MAGI2: variants seen among roughly 807,000 people sequenced by gnomAD.
MAGI2 encodes the protein membrane associated guanylate kinase, WW and PDZ domain containing 2, also known as membrane-associated guanylate kinase, WW and PDZ domain-containing protein 2.
Under a neutral mutation model 133.3 loss-of-function variants are expected in MAGI2, and 35 were observed. The observed-to-expected ratio is 0.26, with a 90% CI of 0.20 to 0.35. The LOEUF (loss-of-function observed/expected upper bound fraction) is 0.35. MAGI2 is among the 10% of genes least tolerant of loss of function. The pLI is 1.00. For missense variants in MAGI2, 1,636 were observed against 1,863.4 expected (o/e 0.88, Z 2.25); for synonymous variants, 729 against 710.6 (o/e 1.03, Z -0.41).
chr7:79,184,891 C>T (rs1163505079), intron 1 of MAGI2, among the ~76,000 whole-genome samples: 2 of 149,102 alleles, frequency 1.3e-5, no homozygotes, highest in Admixed American at 1.3e-4. Flanking sequence ...TCATAACCTC[C>T]TTTCCTCACA....
At chr7:79,183,294 C>A (rs928397591) in intron 1 of MAGI2, among the ~76,000 whole-genome samples, 1 of 151,168 alleles carries the variant, frequency 6.6e-6, no homozygotes, top group East Asian at 1.9e-4. Context: ...ATGTATGCAA[C>A]GAAATTTCTC....
chr7:78,945,501 G>T (rs1187938611), intron 2 of MAGI2, among the ~76,000 whole-genome samples: 1 of 152,106 alleles, frequency 6.6e-6, no homozygotes, highest in Non-Finnish European at 1.5e-5. Flanking sequence ...AATTCTTGTG[G>T]TAAGAACAAA....
At chr7:79,393,266 T>C (rs114274424) in intron 1 of MAGI2, among the ~76,000 whole-genome samples, 2,035 of 152,192 alleles carry the variant, frequency 0.013, 40 homozygotes, top group African/African-American at 0.047. Context: ...GAACTCTACA[T>C]CAGAGAGACT....
intron 1 of MAGI2, among the ~76,000 whole-genome samples, chr7:79,191,545 G>C (rs1188862599): frequency 6.7e-6 from 1 of 148,900 alleles, no homozygotes; most frequent in Non-Finnish European, 1.5e-5. Flanking sequence ...AGCCTCCCAA[G>C]TAGTTGGAAC....
chr7:78,373,148 C>T (rs899500952), intron 6 of MAGI2, among the ~76,000 whole-genome samples: 3 of 152,076 alleles, frequency 2.0e-5, no homozygotes, highest in Non-Finnish European at 4.4e-5. Flanking sequence ...TCATGAGAAA[C>T]ATATGACAAA....
At chr7:79,360,083 C>G (rs1160762830) in intron 1 of MAGI2, among the ~76,000 whole-genome samples, 1 of 152,142 alleles carries the variant, frequency 6.6e-6, no homozygotes, top group Non-Finnish European at 1.5e-5. Context: ...CAGCCAACAA[C>G]TGCTCAAGAA....
intron 21 of MAGI2, among the ~76,000 whole-genome samples, chr7:78,076,642 C>G (rs1348731338): frequency 3.3e-4 from 49 of 149,346 alleles, no homozygotes; most frequent in African/African-American, 1.0e-3. Flanking sequence ...GTCAGGAGAT[C>G]GAGACCATCC....
Position 78,346,038 on chromosome 7 carries a change from A to C in MAGI2, c.1109T>G (p.Ile370Arg). Residue 370 changes from isoleucine (I) to arginine (R), a missense_variant, in exon 8 of 22, where the codon ATA (isoleucine) becomes AGA (arginine). Ile to Arg is a moderately conservative substitution (Grantham distance 97, BLOSUM62 -3). Coordinates refer to ENST00000354212, the MANE Select transcript of MAGI2 (RefSeq NM_012301.4). ...ATTTTCAAACTGTGTTCTTCTATTT[A>C]TGTGGCTAAAAAAGAAAATTTCAGA... ...PIYGTYYVDH[I>R]NRRTQFENPV... 1.2e-6 allele frequency: 2 copies of C among 1,613,872 alleles called. No homozygotes were observed. Among genetic ancestry groups the C allele is most frequent in the Non-Finnish European group, 1.7e-6 (2 of 1,179,966 alleles).
Position 79,252,854 on chromosome 7 carries a change from A to G in MAGI2, c.301+200166T>C, listed in dbSNP as rs535843515. 7.9e-5 allele frequency among the ~76,000 whole-genome samples: 12 copies of G among 152,348 alleles called. No homozygotes were observed. In the East Asian group the frequency reaches 2.3e-3, roughly 29 times the overall value. ...GAAGGTTTTCAATCACCAAGTACAAACCAAATAAAAAATATAGTTACAAGC... is the reference window on the plus strand; with the variant it reads ...GAAGGTTTTCAATCACCAAGTACAAGCCAAATAAAAAATATAGTTACAAGC... On this transcript the variant is annotated intron_variant, in intron 1 of 21. Coordinates refer to ENST00000354212, the MANE Select transcript of MAGI2 (RefSeq NM_012301.4).
chr7:79,117,180 T>C (rs1257259846), intron 1 of MAGI2, among the ~76,000 whole-genome samples: 1 of 152,218 alleles, frequency 6.6e-6, no homozygotes, highest in Non-Finnish European at 1.5e-5. Context: ...AATGGAAATT[T>C]AAATTTTCCT....
At chr7:78,606,395 A>G (rs541636155) in intron 3 of MAGI2, among the ~76,000 whole-genome samples, 3 of 152,226 alleles carry the variant, frequency 2.0e-5, no homozygotes, top group Non-Finnish European at 2.9e-5. Flanking sequence ...TACTTTTGAC[A>G]AAAACTCACT....
intron 2 of MAGI2, among the ~76,000 whole-genome samples, chr7:78,696,561 A>G (rs1193805635): frequency 1.3e-5 from 2 of 152,206 alleles, no homozygotes; most frequent in Non-Finnish European, 2.9e-5. Context: ...TAGTTTGCAC[A>G]AGTTAAGTGA....
At chr7:79,307,817 A>G (rs55887714) in intron 1 of MAGI2, among the ~76,000 whole-genome samples, 1 of 152,326 alleles carries the variant, frequency 6.6e-6, no homozygotes, top group South Asian at 2.1e-4. Flanking sequence ...AGTACAGTCA[A>G]TACCTGGGTA....
chr7:78,867,483 A>T (rs1209714), intron 2 of MAGI2, among the ~76,000 whole-genome samples: 1 of 148,700 alleles, frequency 6.7e-6, no homozygotes, highest in African/African-American at 2.5e-5. Context: ...TAGGTGGGAA[A>T]TGAACAATGA....
At chr7:78,846,618 A>G (rs1199203711) in intron 2 of MAGI2, among the ~76,000 whole-genome samples, 1 of 152,028 alleles carries the variant, frequency 6.6e-6, no homozygotes, top group East Asian at 1.9e-4. Flanking sequence ...TTGAAGTGAT[A>G]ATTTCCTAAA....
At chr7:78,411,269 C>T (rs867868621) in intron 6 of MAGI2, among the ~76,000 whole-genome samples, 2 of 151,964 alleles carry the variant, frequency 1.3e-5, no homozygotes, top group South Asian at 4.2e-4. Context: ...TTACATTATG[C>T]AGTAAGATAG....
intron 3 of MAGI2, among the ~76,000 whole-genome samples, chr7:78,577,741 T>G (rs1802415687): frequency 6.6e-6 from 1 of 152,044 alleles, no homozygotes; most frequent in Admixed American, 6.6e-5. Flanking sequence ...CAAGACAATG[T>G]CATCAGTTAA....
intron 2 of MAGI2, among the ~76,000 whole-genome samples, chr7:78,798,920 G>A (rs550099595): frequency 6.6e-6 from 1 of 152,128 alleles, no homozygotes; most frequent in Non-Finnish European, 1.5e-5. Context: ...AACATCCGAT[G>A]TCTCCTCATG....
At chr7:79,346,700 C>T (rs527634934) in intron 1 of MAGI2, among the ~76,000 whole-genome samples, 1 of 151,940 alleles carries the variant, frequency 6.6e-6, no homozygotes, top group Non-Finnish European at 1.5e-5. Flanking sequence ...TGGGTTATTG[C>T]TCTTCCTCCA....
Sources: allele counts gnomAD v4.1 joint callset (sites outside exome capture counted in the v4.1 genomes callset), GRCh38; gene constraint gnomAD v4.1.1; transcripts MANE v1.5; gene names NCBI Gene and HGNC (gene_info 2026-07-23, HGNC 2026-07-21).